CLASP2: variants seen among roughly 807,000 people sequenced by gnomAD.
The protein encoded by CLASP2 is CLIP-associating protein 2.
A neutral mutation model predicts 194.4 loss-of-function variants in CLASP2; 47 were observed. The observed-to-expected ratio is 0.24, with a 90% confidence interval of 0.19 to 0.31. CLASP2 has a LOEUF of 0.31. Ranked by LOEUF, CLASP2 falls within the 10% of genes least tolerant of loss-of-function variation. CLASP2 has a pLI of 1.00. For missense variants in CLASP2, 1,445 were observed against 1,823.6 expected, an observed-to-expected ratio of 0.79 and a Z score of 3.78; for synonymous variants, 619 against 633.5, an observed-to-expected ratio of 0.98 and a Z score of 0.34.
chr3:33,566,991 C>T (rs922355777), intron 26 of CLASP2, among the ~76,000 whole-genome samples: 3 of 152,136 alleles, frequency 2.0e-5, no homozygotes, highest in Admixed American at 6.5e-5. Context: ...ATTAAGAAAA[C>T]TAAAGACAAA....
chr3:33,569,511 C>T (rs1349783738), intron 26 of CLASP2, among the ~76,000 whole-genome samples: 2 of 152,124 alleles, frequency 1.3e-5, no homozygotes, highest in Non-Finnish European at 2.9e-5. Context: ...AAAATATCAA[C>T]AGTTAATCTG....
chr3:33,701,368 T>C (rs1290446469), intron 1 of CLASP2, among the ~76,000 whole-genome samples: 1 of 152,206 alleles, frequency 6.6e-6, no homozygotes, highest in Non-Finnish European at 1.5e-5. Context: ...CCAGCACTTC[T>C]GGAGGCTGAG....
At chr3:33,716,084 T>C (rs566159360) in intron 1 of CLASP2, among the ~76,000 whole-genome samples, 19 of 152,044 alleles carry the variant, frequency 1.2e-4, no homozygotes, top group Admixed American at 6.5e-4. Flanking sequence ...GTGGAGGGAA[T>C]TGCATAAATG....
chr3:33,560,697 C>G, intron 28 of CLASP2, 111 bp downstream of exon 28: 1 of 842,592 alleles, frequency 1.2e-6, no homozygotes, highest in Non-Finnish European at 1.9e-6. Context: ...CAAACGGAAT[C>G]CATGCAGTCT....
chr3:33,636,351 C>G (rs1464432807), intron 8 of CLASP2, among the ~76,000 whole-genome samples: 1 of 151,928 alleles, frequency 6.6e-6, no homozygotes, highest in East Asian at 1.9e-4. Flanking sequence ...ACAAAATAAT[C>G]TGACATCTAT....
chr3:33,655,752 T>TAC (rs991904708), intron 7 of CLASP2, among the ~76,000 whole-genome samples: 13 of 152,280 alleles, frequency 8.5e-5, no homozygotes, highest in Middle Eastern at 3.4e-3. Flanking sequence ...TATATATATA[T>TAC]ACACACATAC....
At chr3:33,684,213 C>G (rs2090288847) in intron 6 of CLASP2, 146 bp downstream of exon 6, 1 of 428,258 alleles carries the variant, frequency 2.3e-6, no homozygotes, top group African/African-American at 2.1e-5. Context: ...CCATTGCACT[C>G]CAGCCTGGGC....
chr3:33,579,732 A>T (rs982071322), intron 23 of CLASP2, among the ~76,000 whole-genome samples: 1 of 152,154 alleles, frequency 6.6e-6, no homozygotes. Flanking sequence ...CAATCCTAAG[A>T]AGTACACACT....
At chr3:33,617,257 A>T (rs1252768118) in intron 12 of CLASP2, among the ~76,000 whole-genome samples, 2 of 152,098 alleles carry the variant, frequency 1.3e-5, no homozygotes, top group African/African-American at 4.8e-5. Flanking sequence ...ACAGGAAAGG[A>T]CAAACTGATC....
intron 1 of CLASP2, among the ~76,000 whole-genome samples, chr3:33,700,469 C>T (rs2092297516): frequency 6.6e-6 from 1 of 152,046 alleles, no homozygotes; most frequent in Admixed American, 6.6e-5. Flanking sequence ...TATTTAATTA[C>T]TCTAAAAACT....
chr3:33,642,241 G>A (rs1211619726), intron 8 of CLASP2, among the ~76,000 whole-genome samples: 2 of 151,972 alleles, frequency 1.3e-5, no homozygotes, highest in East Asian at 1.9e-4. Flanking sequence ...TGTGCTGAAA[G>A]ATATATATAA....
chr3:33,665,231 G>C (rs1377981728), intron 6 of CLASP2, among the ~76,000 whole-genome samples: 2 of 152,166 alleles, frequency 1.3e-5, no homozygotes, highest in African/African-American at 2.4e-5. Flanking sequence ...CTTTAGGACA[G>C]AAAGCTCAGA....
intron 2 of CLASP2, 58 bp downstream of exon 2, chr3:33,696,797 G>T: frequency 8.6e-7 from 1 of 1,156,982 alleles, no homozygotes; most frequent in Non-Finnish European, 1.3e-6. Flanking sequence ...AAAAACTAAC[G>T]AAAAAAGTCA....
At chr3:33,685,495 A>C (rs1226999334) in intron 5 of CLASP2, among the ~76,000 whole-genome samples, 1 of 152,152 alleles carries the variant, frequency 6.6e-6, no homozygotes, top group Non-Finnish European at 1.5e-5. Flanking sequence ...TCAAACAGAT[A>C]CTTTTTACAC....
intron 19 of CLASP2, among the ~76,000 whole-genome samples, chr3:33,595,984 CTG>C (rs2070228583): frequency 6.6e-6 from 1 of 151,872 alleles, no homozygotes; most frequent in Admixed American, 6.6e-5. Flanking sequence ...TATATAGTGT[CTG>C]TTTTTCCTAG....
chr3:33,687,223 T>A lies in CLASP2; in HGVS notation c.471-88A>T. 5.2e-6 allele frequency: 4 copies of A among 765,064 alleles called. No homozygotes were observed. The East Asian group carries it at 1.1e-4, about 21-fold the overall frequency. 47.4% of individuals were successfully genotyped at this position (765,064 alleles called of 1,614,324 possible). On this transcript the variant is annotated intron_variant, in intron 4 of 38. Transcript: ENST00000682230. ...CCTTATACCTTCTTGTCTGTAGCAA[T>A]ATAACAAATATAGTGGACAGGATGG...
chr3:33,651,085 T>C (rs538111311), intron 7 of CLASP2, among the ~76,000 whole-genome samples: 4 of 152,288 alleles, frequency 2.6e-5, no homozygotes, highest in African/African-American at 9.6e-5. Context: ...TTCACATACA[T>C]TTATGGCAAA....
At chr3:33,656,751 T>C (rs1007884945) in intron 7 of CLASP2, among the ~76,000 whole-genome samples, 3 of 152,188 alleles carry the variant, frequency 2.0e-5, no homozygotes, top group African/African-American at 7.2e-5. Flanking sequence ...AAAATGGTTA[T>C]GATATGTCCA....
rs115872620 is a variant in CLASP2, at chr3:33,650,425, G to A, written c.716-5522C>T. ...ACTTTTGTTCTTGCTCCAAAGTTTCGAAAAGAGACTGGTATGATTGGGTGC... is the reference window on the plus strand; with the variant it reads ...ACTTTTGTTCTTGCTCCAAAGTTTCAAAAAGAGACTGGTATGATTGGGTGC... On this transcript the variant is annotated intron_variant, in intron 7 of 38. Coordinates refer to ENST00000682230, the MANE Select transcript of CLASP2 (RefSeq NM_001365631.1). 8.5e-3 allele frequency among the ~76,000 whole-genome samples: 1,287 copies of A among 152,244 alleles called. 21 individuals carry two copies. Among genetic ancestry groups the A allele is most frequent in the African/African-American group, 0.028 (1,164 of 41,536 alleles).
Sources: gnomAD v4.1 joint callset for allele counts (sites outside exome capture counted in the v4.1 genomes callset) on GRCh38, gnomAD v4.1.1 for gene constraint, MANE v1.5 for transcripts, NCBI Gene and HGNC (gene_info 2026-07-23, HGNC 2026-07-21) for gene names.